The following SV2C variants were observed in gnomAD, a reference collection of about 807,000 sequenced individuals.
The protein encoded by SV2C is synaptic vesicle glycoprotein 2C, also known as solute carrier family 22 member B3.
In SV2C, 49 loss-of-function variants were observed where a neutral mutation model predicts 79.7. The ratio of observed to expected loss-of-function variants is 0.61; its 90% CI spans 0.49 to 0.78. The LOEUF (loss-of-function observed/expected upper bound fraction) is 0.78. Ranked by LOEUF, SV2C falls within the 30% of genes least tolerant of loss-of-function variation. The pLI is 0.00. For missense variants in SV2C, 833 were observed against 912.9 expected (o/e 0.91, Z 1.13); for synonymous variants, 334 against 333.2 (o/e 1.00, Z -0.03).
chr5:76,008,829 G>A, the SV2C span, among the ~76,000 whole-genome samples: 2,143 of 152,180 alleles, frequency 0.014, 55 homozygotes, highest in African/African-American at 0.049. Flanking sequence ...ATGTCCTGAG[G>A]ATGGTCCACA....
In SV2C at chr5:76,300,912, T is replaced by C. The variant is rs201110335; in HGVS notation, c.1820T>C (p.Ile607Thr). 5.5e-5 allele frequency: 89 copies of C among 1,614,014 alleles called. No homozygotes were observed. Among genetic ancestry groups the C allele is most frequent in the Non-Finnish European group, 6.8e-5 (80 of 1,179,986 alleles). Residue 607 changes from isoleucine (I) to threonine (T), a missense_variant, in exon 11 of 13, where the codon ATT becomes ACT. By Grantham distance (89) the Ile-to-Thr change is moderately conservative (BLOSUM62 -1). Coordinates refer to ENST00000502798, the MANE Select transcript of SV2C (RefSeq NM_014979.4). Reference sequence around the variant, plus strand: ...GTGTCTGCTCTGCTGATGGACAGAATTGGGCGCTTAACAATGCTAGGTATG... The same window carrying C: ...GTGTCTGCTCTGCTGATGGACAGAACTGGGCGCTTAACAATGCTAGGTATG... ...NIVSALLMDR[I>T]GRLTMLGGSM...
chr5:76,258,837 G>A (rs1746378246), intron 4 of SV2C, among the ~76,000 whole-genome samples: 1 of 152,152 alleles, frequency 6.6e-6, no homozygotes, highest in Admixed American at 6.5e-5. Flanking sequence ...CTCCCCAGAG[G>A]AAACCACTGT....
the SV2C span, among the ~76,000 whole-genome samples, chr5:75,865,843 T>C: frequency 6.6e-6 from 1 of 152,160 alleles, no homozygotes; most frequent in Non-Finnish European, 1.5e-5. Flanking sequence ...GACAAATAAC[T>C]TGGGTTAGCC....
At position 76,107,869 on chromosome 5, in the gene SV2C, A is replaced by G. The variant is rs368861535; in HGVS notation, c.-101-23781A>G. Among the ~76,000 whole-genome samples the G allele has an allele frequency of 2.0e-5, 3 of 152,130 alleles. No individual in the cohort carries two copies. The East Asian group carries it at 5.8e-4, about 29-fold the overall frequency. ...CCCTATTTCAAAAAAAAACAAAAGC[A>G]AGTTTATTAACAGAATTTATTTTCA... is the stretch of plus-strand genomic sequence containing the variant. On this transcript the variant is annotated intron_variant, in intron 1 of 12. Transcript: ENST00000502798.
the SV2C span, among the ~76,000 whole-genome samples, chr5:75,864,523 T>A: frequency 6.6e-6 from 1 of 152,148 alleles, no homozygotes; most frequent in Non-Finnish European, 1.5e-5. Context: ...TTTTCCTGAC[T>A]GGGCAACCTG....
intron 1 of SV2C, among the ~76,000 whole-genome samples, chr5:76,114,755 G>A (rs1748210171): frequency 6.6e-6 from 1 of 152,194 alleles, no homozygotes; most frequent in African/African-American, 2.4e-5. Flanking sequence ...TGGCTTCATG[G>A]CTCCCAGCCT....
At chr5:75,942,979 C>T in the SV2C span, among the ~76,000 whole-genome samples, 4 of 152,104 alleles carry the variant, frequency 2.6e-5, no homozygotes, top group Admixed American at 2.0e-4. Flanking sequence ...GCCTGAGCAA[C>T]ATAGTCAGAC....
At chr5:75,855,284 A>G in the SV2C span, among the ~76,000 whole-genome samples, 3 of 152,212 alleles carry the variant, frequency 2.0e-5, no homozygotes, top group African/African-American at 7.2e-5. Flanking sequence ...ATGGCATTGG[A>G]CTTTTAATTT....
intron 1 of SV2C, among the ~76,000 whole-genome samples, chr5:76,104,584 G>T (rs1747848151): frequency 6.6e-6 from 1 of 152,172 alleles, no homozygotes; most frequent in Admixed American, 6.6e-5. Context: ...CTAGTGAATA[G>T]AGCTTTATCA....
the SV2C span, among the ~76,000 whole-genome samples, chr5:75,923,109 A>T: frequency 6.6e-6 from 1 of 152,224 alleles, no homozygotes; most frequent in Non-Finnish European, 1.5e-5. Context: ...CTAGAAATAA[A>T]GACAAATACT....
intron 2 of SV2C, among the ~76,000 whole-genome samples, chr5:76,180,785 T>C (rs1324930690): frequency 6.6e-6 from 1 of 152,218 alleles, no homozygotes; most frequent in Non-Finnish European, 1.5e-5. Flanking sequence ...TGAGCAGCCT[T>C]TCCTCTTCAG....
At chr5:76,055,016 G>T in the SV2C span, among the ~76,000 whole-genome samples, 4 of 152,124 alleles carry the variant, frequency 2.6e-5, no homozygotes, top group Non-Finnish European at 5.9e-5. Flanking sequence ...GATCCCATTT[G>T]TCAGTATTGG....
the SV2C span, among the ~76,000 whole-genome samples, chr5:75,895,213 T>C: frequency 6.6e-6 from 1 of 152,130 alleles, no homozygotes; most frequent in African/African-American, 2.4e-5. Flanking sequence ...TCCCATGCTA[T>C]GTTATTTAAA....
intron 4 of SV2C, among the ~76,000 whole-genome samples, chr5:76,212,352 G>C (rs527998097): frequency 2.7e-4 from 41 of 152,264 alleles, no homozygotes; most frequent in Non-Finnish European, 5.0e-4. Flanking sequence ...GCTGCTCCAG[G>C]TAGGTAGCCA....
intron 2 of SV2C, among the ~76,000 whole-genome samples, chr5:76,185,241 C>T (rs1168798710): frequency 1.3e-5 from 2 of 152,246 alleles, no homozygotes; most frequent in Admixed American, 6.5e-5. Context: ...GGTACAGTTG[C>T]TGCTTTCATG....
chr5:76,189,426 C>T (rs1580341866), intron 2 of SV2C, among the ~76,000 whole-genome samples: 1 of 152,192 alleles, frequency 6.6e-6, no homozygotes, highest in South Asian at 2.1e-4. Context: ...ATTCCAGTAG[C>T]TGATTTCTTT....
At chr5:76,159,228 G>A (rs1742828651) in intron 2 of SV2C, among the ~76,000 whole-genome samples, 1 of 152,100 alleles carries the variant, frequency 6.6e-6, no homozygotes, top group Non-Finnish European at 1.5e-5. Context: ...ACAAGACAAA[G>A]ATGCCCACTC....
chr5:75,927,350 A>G, the SV2C span, among the ~76,000 whole-genome samples: 1 of 152,072 alleles, frequency 6.6e-6, no homozygotes, highest in African/African-American at 2.4e-5. Flanking sequence ...TTTTGATAAC[A>G]TATGTGAACC....
chr5:76,222,973 A>C (rs1561270821), intron 4 of SV2C, among the ~76,000 whole-genome samples: 1 of 152,128 alleles, frequency 6.6e-6, no homozygotes, highest in East Asian at 1.9e-4. Context: ...GTACATGAAG[A>C]AGCTAAGAAA....
Sources: gnomAD v4.1 joint callset for allele counts (sites outside exome capture counted in the v4.1 genomes callset) on GRCh38, gnomAD v4.1.1 for gene constraint, MANE v1.5 for transcripts, NCBI Gene and HGNC (gene_info 2026-07-23, HGNC 2026-07-21) for gene names.